Variants in ZMYM1 observed in about 807,000 individuals in gnomAD.
ZMYM1 encodes the protein zinc finger MYM-type containing 1.
A neutral mutation model predicts 60.0 loss-of-function variants in ZMYM1; 39 were observed. That is an observed-to-expected ratio of 0.65 (90% CI 0.50 to 0.85). The LOEUF (loss-of-function observed/expected upper bound fraction) is 0.85. ZMYM1 is among the 40% of genes least tolerant of loss of function. The probability of loss-of-function intolerance (pLI) is 0.00; values close to 1 mark genes in which losing one functional copy is unlikely to be tolerated. For missense variants in ZMYM1, 1,171 were observed against 1,309.5 expected (o/e 0.89, Z 1.63); for synonymous variants, 413 against 454.0 (o/e 0.91, Z 1.15).
chr1:35,092,044 G>A (rs995447514), intron 1 of ZMYM1, among the ~76,000 whole-genome samples: 6 of 152,072 alleles, frequency 3.9e-5, no homozygotes, highest in Admixed American at 1.3e-4. Context: ...TCCTGCCTCA[G>A]CCTCCAGAGT....
intron 6 of ZMYM1, among the ~76,000 whole-genome samples, chr1:35,106,744 A>G (rs1407149619): frequency 1.3e-5 from 2 of 152,188 alleles, no homozygotes; most frequent in Admixed American, 1.3e-4. Flanking sequence ...CAGAACGGAA[A>G]GCACAGAAGA....
intron 1 of ZMYM1, among the ~76,000 whole-genome samples, chr1:35,071,865 G>A (rs758273547): frequency 4.6e-5 from 7 of 152,166 alleles, no homozygotes; most frequent in Non-Finnish European, 1.0e-4. Context: ...AAAACTGGGC[G>A]CAGTGGCTCA....
At chr1:35,073,441 T>C (rs1321404958) in intron 1 of ZMYM1, among the ~76,000 whole-genome samples, 1 of 150,548 alleles carries the variant, frequency 6.6e-6, no homozygotes, top group Non-Finnish European at 1.5e-5. Flanking sequence ...CACATGCCTG[T>C]AGTCCCAGCT....
At chr1:35,071,444 C>T (rs1002487965) in intron 1 of ZMYM1, among the ~76,000 whole-genome samples, 1 of 151,952 alleles carries the variant, frequency 6.6e-6, no homozygotes, top group Non-Finnish European at 1.5e-5. Context: ...GTGATCCTTC[C>T]ACCTCAGCCT....
chr1:35,072,854 G>A (rs577344302), intron 1 of ZMYM1, among the ~76,000 whole-genome samples: 1 of 152,136 alleles, frequency 6.6e-6, no homozygotes, highest in African/African-American at 2.4e-5. Context: ...GGCCAAGACA[G>A]GTGGATCCCC....
At chr1:35,095,787 A>AT in intron 2 of ZMYM1, 32 bp from the exon 3 acceptor site, 1 of 1,480,528 alleles carries the variant, frequency 6.8e-7, no homozygotes, top group Non-Finnish European at 9.2e-7. Flanking sequence ...TGTATTCACT[A>AT]TTTTTAATTA....
chr1:35,070,503 T>A (rs1008159786), intron 1 of ZMYM1, among the ~76,000 whole-genome samples: 5 of 152,208 alleles, frequency 3.3e-5, no homozygotes, highest in Non-Finnish European at 5.9e-5. Flanking sequence ...AGATTTTCTA[T>A]ATATAAGATT....
downstream of ZMYM1, among the ~76,000 whole-genome samples, chr1:35,118,033 T>G (rs1217920781): frequency 1.3e-5 from 2 of 151,468 alleles, no homozygotes; most frequent in Non-Finnish European, 2.9e-5. Flanking sequence ...AGGTCAAGAA[T>G]TCAAGACCAG....
At chr1:35,099,125 A>T (rs1041701133) in intron 4 of ZMYM1, among the ~76,000 whole-genome samples, 6 of 152,142 alleles carry the variant, frequency 3.9e-5, no homozygotes, top group Non-Finnish European at 8.8e-5. Flanking sequence ...AATGTTAACT[A>T]TTATTATTCT....
At chr1:35,098,068 T>C (rs1643435392) in intron 4 of ZMYM1, among the ~76,000 whole-genome samples, 1 of 152,236 alleles carries the variant, frequency 6.6e-6, no homozygotes, top group African/African-American at 2.4e-5. Flanking sequence ...ATGTGAAAAG[T>C]ACTGTTTCTC....
chr1:35,103,233 C>T (rs1323215597), intron 4 of ZMYM1, among the ~76,000 whole-genome samples: 1 of 152,138 alleles, frequency 6.6e-6, no homozygotes, highest in Non-Finnish European at 1.5e-5. Flanking sequence ...AGTAAAACAC[C>T]TTAAACACTA....
chr1:35,112,873 G>GT (rs780827215), intron 9 of ZMYM1, 104 bp from the exon 10 acceptor site: 895 of 1,080,664 alleles, frequency 8.3e-4, no homozygotes, highest in Non-Finnish European at 1.1e-3. Context: ...AGCTCATACT[G>GT]TAACTCAGCC....
chr1:35,070,335 T>C lies in ZMYM1; in HGVS notation c.-300-8659T>C, dbSNP rs115629137. 3.4e-3 allele frequency among the ~76,000 whole-genome samples: 522 copies of C among 152,238 alleles called. 3 individuals carry two copies. Among genetic ancestry groups the C allele is most frequent in the African/African-American group, 0.012 (503 of 41,554 alleles). ...ATTAAGTTGGTTCCTAGGTATCTTT[T>C]TTGTAGCGATTATAAATAGAATTGT... On this transcript the variant is annotated intron_variant, in intron 1 of 10. Coordinates refer to the ZMYM1 transcript ENST00000417119.
Position 35,073,343 on chromosome 1 carries a change from AAGG to A in ZMYM1, c.-300-5649_-300-5647del, listed in dbSNP as rs1278337942. ...AAAGAAAGGGAGAAAGAAAGAAAGG[AAGG>A]AAGGAAGGAAGGAAGGAAGGAAGGA... is the stretch of plus-strand genomic sequence containing the variant. On this transcript the variant is annotated intron_variant, in intron 1 of 10. Transcript: ENST00000417119. Among the ~76,000 whole-genome samples the A allele has an allele frequency of 1.1e-3, 143 of 136,140 alleles. 2 individuals are homozygous for A. In the South Asian group the frequency reaches 0.016, roughly 16 times the overall value. 89.3% of individuals were successfully genotyped at this position (136,140 alleles called of 152,430 possible). A position where few individuals can be genotyped will look rare whatever the true frequency, so the allele number is the denominator to read the frequency against.
chr1:35,111,029 C>G (rs568312307), intron 7 of ZMYM1, among the ~76,000 whole-genome samples: 67 of 152,078 alleles, frequency 4.4e-4, no homozygotes, highest in African/African-American at 1.5e-3. Flanking sequence ...ATATTGAGCA[C>G]CTACTGCAAA....
At chr1:35,093,234 G>T (rs1484690627) in intron 1 of ZMYM1, 1 of 152,494 alleles carries the variant, frequency 6.6e-6, no homozygotes, top group East Asian at 1.9e-4. Context: ...TAACTGGAGG[G>T]CAGAGAGGGG....
chr1:35,077,142 G>A (rs1642182226), upstream of ZMYM1, among the ~76,000 whole-genome samples: 1 of 151,896 alleles, frequency 6.6e-6, no homozygotes, highest in Non-Finnish European at 1.5e-5. Context: ...GGGGTGGTTG[G>A]AATATCACAT....
At chr1:35,082,838 A>G (rs12733728) in intron 1 of ZMYM1, among the ~76,000 whole-genome samples, 129,257 of 151,284 alleles carry the variant, frequency 0.85, 55,725 homozygotes, top group Non-Finnish European at 0.93. Context: ...AAAATTAGCC[A>G]GGAGTGGTAG....
chr1:35,073,830 C>G (rs1475967517), intron 1 of ZMYM1, among the ~76,000 whole-genome samples: 1 of 152,164 alleles, frequency 6.6e-6, no homozygotes, highest in Admixed American at 6.6e-5. Flanking sequence ...GTTTGTCGCT[C>G]TGTCCCCCAG....
Sources: allele counts gnomAD v4.1 joint callset (sites outside exome capture counted in the v4.1 genomes callset), GRCh38; gene constraint gnomAD v4.1.1; transcripts MANE v1.5; gene names NCBI Gene and HGNC (gene_info 2026-07-23, HGNC 2026-07-21).